Variants in STMP1 observed in about 807,000 individuals in gnomAD.
STMP1 encodes the protein mitolamban.
A neutral mutation model predicts 7.0 loss-of-function variants in STMP1; 7 were observed. The observed-to-expected ratio is 1.01, with a 90% CI of 0.57 to 1.89. The LOEUF is 1.89. Among genes scored for constraint, STMP1 ranks in the 40% most tolerant of loss-of-function variants. The pLI is 0.00. For synonymous variants in STMP1, 19 were observed against 18.4 expected, an observed-to-expected ratio of 1.03 and a Z score of -0.08; for missense variants, 45 against 53.0, an observed-to-expected ratio of 0.85 and a Z score of 0.47.
At chr7:135,664,692 A>G (rs185941339) in intron 1 of STMP1, among the ~76,000 whole-genome samples, 2 of 152,166 alleles carry the variant, frequency 1.3e-5, no homozygotes, top group African/African-American at 4.8e-5. Context: ...CTCAGAAGTA[A>G]CTGAACACTG....
chr7:135,662,636 G>A, intron 1 of STMP1, 42 bp downstream of exon 1: 1 of 1,540,688 alleles, frequency 6.5e-7, no homozygotes, highest in South Asian at 1.2e-5. Flanking sequence ...TGCCTGGGGC[G>A]TGCCTCGGAC....
At chr7:135,672,550 G>A (rs1027217995) in intron 1 of STMP1, among the ~76,000 whole-genome samples, 2 of 151,986 alleles carry the variant, frequency 1.3e-5, no homozygotes, top group Non-Finnish European at 2.9e-5. Context: ...TCTTTTGTAT[G>A]CTGTTTAGCC....
At chr7:135,664,519 A>G (rs940206319) in intron 1 of STMP1, among the ~76,000 whole-genome samples, 9 of 151,720 alleles carry the variant, frequency 5.9e-5, no homozygotes, top group African/African-American at 2.2e-4. Flanking sequence ...ACCCGTGACT[A>G]ATTTTAAAAT....
At position 135,665,611 on chromosome 7, in the gene STMP1, T is replaced by A. The variant is rs1795283782; in HGVS notation, c.15+3017T>A. On this transcript the variant is annotated intron_variant, in intron 1 of 2. Transcript: ENST00000507606. ...CTTTTTTTTTTTTTTTTAAATGCAG[T>A]GCTTCAGAAATTTGTGTGTCGTCTT... 2.0e-5 allele frequency: 3 copies of A among 150,502 alleles called. No homozygotes were observed. In the South Asian group the frequency reaches 6.3e-4, roughly 31 times the overall value. 9.3% of individuals were successfully genotyped at this position (150,502 alleles called of 1,614,324 possible).
rs1795410761 is a variant in STMP1 at position 135,676,050 on chromosome 7, A to G, written c.*1885A>G. ...GTGATTCTCGTGCTGCAGCTTCTCA[A>G]GTAGCTGGCATCACCACCACACCTG... On this transcript the variant is annotated 3_prime_UTR_variant, in exon 3 of 3. Transcript: ENST00000507606. 6.6e-6 allele frequency: 1 copy of G among 151,768 alleles called. No homozygotes were observed. The highest frequency in any genetic ancestry group is 1.9e-4 in the East Asian group (1 of 5,172). 9.4% of individuals were successfully genotyped at this position (151,768 alleles called of 1,614,324 possible).
intron 1 of STMP1, among the ~76,000 whole-genome samples, 173 bp downstream of exon 1, chr7:135,662,767 C>G (rs1396233592): frequency 1.3e-5 from 2 of 152,252 alleles, no homozygotes; most frequent in East Asian, 1.9e-4. Flanking sequence ...TCCTGCCTCC[C>G]CAGAAAATCC....
At chr7:135,667,837 A>C (rs1034795114) in intron 1 of STMP1, among the ~76,000 whole-genome samples, 1 of 151,018 alleles carries the variant, frequency 6.6e-6, no homozygotes, top group African/African-American at 2.4e-5. Context: ...TTTTGGTGTC[A>C]TATCTAAGAA....
chr7:135,674,303 T>A lies in STMP1; in HGVS notation c.*138T>A. ...CTTTGCTAGACCCTGTGTTTTTTGC[T>A]TTAAAGCAAGCAAAATGGGGCCCCA... On this transcript the variant is annotated 3_prime_UTR_variant, in exon 3 of 3. Coordinates refer to ENST00000507606, the MANE Select transcript of STMP1 (RefSeq NM_001130929.2). The A allele has an allele frequency of 1.5e-6, 1 of 679,342 alleles. No homozygotes were observed. Among genetic ancestry groups the A allele is most frequent in the Non-Finnish European group, 2.4e-6 (1 of 418,500 alleles). 42.1% of individuals were successfully genotyped at this position (679,342 alleles called of 1,614,324 possible).
Position 135,674,180 on chromosome 7 carries a change from CTG to C in STMP1, c.*16_*17del. The C allele has an allele frequency of 2.0e-6, 3 of 1,536,358 alleles. No homozygotes were observed. Among genetic ancestry groups the C allele is most frequent in the Non-Finnish European group, 2.6e-6 (3 of 1,138,130 alleles). ...CTAGTGCATGAGACTGCCTCCAGCA[CTG>C]CCTTCAGGATATACTGATTCTACTG... is the stretch of plus-strand genomic sequence containing the variant. On this transcript the variant is annotated 3_prime_UTR_variant, in exon 3 of 3. Transcript: ENST00000507606.
chr7:135,671,552 A>C (rs1795357383), intron 1 of STMP1, among the ~76,000 whole-genome samples: 1 of 152,252 alleles, frequency 6.6e-6, no homozygotes, highest in South Asian at 2.1e-4. Flanking sequence ...AATTATTATC[A>C]TTAAAACTCA....
At chr7:135,670,727 T>C (rs1795348360) in intron 1 of STMP1, among the ~76,000 whole-genome samples, 1 of 152,224 alleles carries the variant, frequency 6.6e-6, no homozygotes, top group Non-Finnish European at 1.5e-5. Context: ...GTTTTTTATG[T>C]GCCCTGATAC....
Position 135,674,439 on chromosome 7 carries a change from C to CTT in STMP1, c.*277_*278dup. 1 of 345,430 alleles carries CTT rather than the reference C, an allele frequency of 2.9e-6. No homozygotes were observed. The highest frequency in any genetic ancestry group is 5.2e-6 in the Non-Finnish European group (1 of 191,930). 21.4% of individuals were successfully genotyped at this position (345,430 alleles called of 1,614,324 possible). ...TATGGTGCTAGATTAGTAAACATGA[C>CTT]TTTTAATGAGTAGTGTCTTCTTTAT... On this transcript the variant is annotated 3_prime_UTR_variant, in exon 3 of 3. Transcript: ENST00000507606.
chr7:135,675,638 G>A lies in STMP1; in HGVS notation c.*1473G>A, dbSNP rs1218829798. 6.6e-6 allele frequency: 1 copy of A among 152,162 alleles called. No homozygotes were observed. The highest frequency in any genetic ancestry group is 1.5e-5 in the Non-Finnish European group (1 of 68,020). The allele number at this position is 152,162 out of a possible 1,614,324, so 9.4% of individuals were successfully genotyped here. ...AATACAAATACCCATTTCGCTAGCT[G>A]TTTTGTTTCAGAGGACTTGTTGAGC... On this transcript the variant is annotated 3_prime_UTR_variant, in exon 3 of 3. Transcript: ENST00000507606.
At position 135,675,854 on chromosome 7, in the gene STMP1, T is replaced by G. The variant is rs963536670; in HGVS notation, c.*1689T>G. ...AGTTTTATTCCTGTCAATGTTGTCTTTGTGTGTGACAGATTAGGATTAAAT... is the reference window on the plus strand; with the variant it reads ...AGTTTTATTCCTGTCAATGTTGTCTGTGTGTGTGACAGATTAGGATTAAAT... On this transcript the variant is annotated 3_prime_UTR_variant, in exon 3 of 3. Coordinates refer to ENST00000507606, the MANE Select transcript of STMP1 (RefSeq NM_001130929.2). The G allele has an allele frequency of 1.3e-5, 2 of 152,214 alleles. No homozygotes were observed. The highest frequency in any genetic ancestry group is 2.9e-5 in the Non-Finnish European group (2 of 68,050). 9.4% of individuals were successfully genotyped at this position (152,214 alleles called of 1,614,324 possible).
intron 2 of STMP1, chr7:135,673,094 A>T (rs1296024650): frequency 4.8e-6 from 2 of 413,740 alleles, no homozygotes; most frequent in Non-Finnish European, 8.6e-6. Context: ...TTGGGCTCTT[A>T]AAATTCTTTG....
intron 1 of STMP1, 121 bp downstream of exon 1, chr7:135,662,715 TC>T: frequency 8.4e-7 from 1 of 1,195,578 alleles, no homozygotes; most frequent in Non-Finnish European, 1.1e-6. Flanking sequence ...GGTCCCTTCG[TC>T]CCCCGCGCCT....
In STMP1 at chr7:135,672,785, GTAT is replaced by G. The variant is rs1210570076; in HGVS notation, c.49_51del (p.Tyr17del). ...TTACACTGGGCAACGTGGTTGGAAT[GTAT>G]CTGGCTCAGAACTATGATGTAAGTG... On this transcript the variant is annotated inframe_deletion, in exon 2 of 3. Transcript: ENST00000507606. 2 of 1,551,530 alleles carry G rather than the reference GTAT, an allele frequency of 1.3e-6. No individual in the cohort carries two copies. Among genetic ancestry groups the G allele is most frequent in the African/African-American group, 2.7e-5 (2 of 73,048 alleles).
At position 135,664,015 on chromosome 7, in the gene STMP1, A is replaced by T. The variant is rs550299838; in HGVS notation, c.15+1421A>T. ...CCTTTTGTCCTTTTGAAAGATGGTA[A>T]TGGATTGTTAAATCCAATTAGTCAA... is the stretch of plus-strand genomic sequence containing the variant. On this transcript the variant is annotated intron_variant, in intron 1 of 2. Coordinates refer to ENST00000507606, the MANE Select transcript of STMP1 (RefSeq NM_001130929.2). Among the ~76,000 whole-genome samples the T allele has an allele frequency of 5.9e-5, 9 of 152,368 alleles. 1 individual carries two copies. The South Asian group carries it at 1.9e-3, about 32-fold the overall frequency.
At chr7:135,665,596 T>TTC (rs978447887) in intron 1 of STMP1, 1 of 152,008 alleles carries the variant, frequency 6.6e-6, no homozygotes, top group African/African-American at 2.4e-5. Flanking sequence ...CTTTTTTTTT[T>TTC]TTTTTTAAAT....
Sources: gnomAD v4.1 joint callset for allele counts (sites outside exome capture counted in the v4.1 genomes callset) on GRCh38, gnomAD v4.1.1 for gene constraint, MANE v1.5 for transcripts, NCBI Gene and HGNC (gene_info 2026-07-23, HGNC 2026-07-21) for gene names.